Variants in RSPH14 observed in about 807,000 individuals in gnomAD.
RSPH14 encodes the protein radial spoke head 14 homolog.
Under a neutral mutation model 26.7 loss-of-function variants are expected in RSPH14, and 20 were observed. The observed-to-expected ratio is 0.75, with a 90% CI of 0.53 to 1.09. The LOEUF (loss-of-function observed/expected upper bound fraction) is 1.09. RSPH14 is among the 50% of genes least tolerant of loss of function. The pLI is 0.00. For synonymous variants in RSPH14, 177 were observed against 189.3 expected (o/e 0.93, Z 0.53); for missense variants, 449 against 457.2 (o/e 0.98, Z 0.16).
chr22:23,071,740 C>G lies in RSPH14; in HGVS notation c.422-7607G>C, dbSNP rs2068382862. On this transcript the variant is annotated intron_variant, in intron 4 of 6. Coordinates refer to ENST00000216036, the MANE Select transcript of RSPH14 (RefSeq NM_014433.3). The surrounding 1 kb of genome is among the most constrained non-coding windows in gnomAD (Gnocchi z 4.1). ...TCGGGAGGGACCTCAGAGTGGTGTC[C>G]TGGGCTGGGGGGTCAGGTGAGCTCG... is the stretch of plus-strand genomic sequence containing the variant. Among the ~76,000 whole-genome samples the G allele has an allele frequency of 3.9e-5, 6 of 152,148 alleles. No homozygotes were observed. In the South Asian group the frequency reaches 1.2e-3, roughly 32 times the overall value.
the RSPH14 span, among the ~76,000 whole-genome samples, chr22:23,164,688 C>A: frequency 1.3e-5 from 2 of 152,188 alleles, no homozygotes; most frequent in South Asian, 4.1e-4. Flanking sequence ...ACAGTGACCG[C>A]GTCCAAGTGC....
In RSPH14 at chr22:23,059,617, TG is replaced by T; in HGVS notation, c.891del (p.Met298CysfsTer60). On this transcript the variant is annotated frameshift_variant, in exon 7 of 7. Coordinates refer to ENST00000216036, the MANE Select transcript of RSPH14 (RefSeq NM_014433.3). LOFTEE classifies it low-confidence loss of function (END_TRUNC). Reference protein sequence around the residue: ...IARLNATKALTMLAEAPEGRK... With the variant: ...IARLNATKALXMLAEAPEGRK... ...CGGCCCTCGGGGGCCTCTGCCAGCA[TG>T]GTAAGGGCCTTGGTGGCATTCAGGC... 6.2e-7 allele frequency: 1 copy of T among 1,612,684 alleles called. No individual in the cohort carries two copies. The highest frequency in any genetic ancestry group is 8.5e-7 in the Non-Finnish European group (1 of 1,179,442).
the RSPH14 span, among the ~76,000 whole-genome samples, chr22:23,173,988 G>A: frequency 2.0e-5 from 3 of 152,092 alleles, no homozygotes; most frequent in African/African-American, 7.2e-5. Context: ...GGGATTACAG[G>A]TGTGAGCCAC....
At chr22:23,091,472 C>T (rs944020326) in intron 4 of RSPH14, among the ~76,000 whole-genome samples, 6 of 147,854 alleles carry the variant, frequency 4.1e-5, no homozygotes, top group African/African-American at 1.3e-4. Flanking sequence ...ACACACACAC[C>T]GCAATGGACC....
chr22:23,151,591 C>T, the RSPH14 span, among the ~76,000 whole-genome samples: 1 of 152,130 alleles, frequency 6.6e-6, no homozygotes, highest in Non-Finnish European at 1.5e-5. Context: ...AAAGTGTTGT[C>T]AACAGTCCCA....
intron 4 of RSPH14, among the ~76,000 whole-genome samples, chr22:23,129,091 A>C (rs1320679560): frequency 6.6e-6 from 1 of 152,162 alleles, no homozygotes; most frequent in East Asian, 1.9e-4. Flanking sequence ...GAGCCACTGA[A>C]ATAGATGCCC....
intron 4 of RSPH14, among the ~76,000 whole-genome samples, chr22:23,086,569 C>T (rs1449250878): frequency 6.6e-6 from 1 of 152,222 alleles, no homozygotes; most frequent in East Asian, 1.9e-4. Flanking sequence ...AGCAGAGCCA[C>T]AGCTGGGACC....
intron 4 of RSPH14, among the ~76,000 whole-genome samples, chr22:23,068,282 C>G (rs1424646054): frequency 6.6e-6 from 1 of 152,262 alleles, no homozygotes; most frequent in Non-Finnish European, 1.5e-5. Flanking sequence ...GGGAAGCTGG[C>G]CCAATGCCCA....
Position 23,084,462 on chromosome 22 carries a change from G to T in RSPH14, c.422-20329C>A, listed in dbSNP as rs960861103. Among the ~76,000 whole-genome samples, 5 of 152,254 alleles carry T rather than the reference G, an allele frequency of 3.3e-5. No homozygotes were observed. The South Asian group carries it at 1.0e-3, about 32-fold the overall frequency. On this transcript the variant is annotated intron_variant, in intron 4 of 6. Coordinates refer to ENST00000216036, the MANE Select transcript of RSPH14 (RefSeq NM_014433.3). ...GGGAAGTCAACACATTTTCAACTTA[G>T]GATGGGTTTATCAGGACATAACCCC... is the stretch of plus-strand genomic sequence containing the variant.
chr22:23,119,706 G>A lies in RSPH14; in HGVS notation c.421+14320C>T, dbSNP rs146322767. On this transcript the variant is annotated intron_variant, in intron 4 of 6. Coordinates refer to ENST00000216036, the MANE Select transcript of RSPH14 (RefSeq NM_014433.3). ...CAGGGACGCTGGGATGGAGTGAGGC[G>A]GCAAGCTCAGGTGCTTCCCACGCTC... Among the ~76,000 whole-genome samples, 9 of 152,322 alleles carry A rather than the reference G, an allele frequency of 5.9e-5. No individual in the cohort carries two copies. In the South Asian group the frequency reaches 6.2e-4, roughly 11 times the overall value.
At chr22:23,157,653 CTG>C in the RSPH14 span, among the ~76,000 whole-genome samples, 1 of 152,220 alleles carries the variant, frequency 6.6e-6, no homozygotes, top group Non-Finnish European at 1.5e-5. Context: ...GGTGGGAAAA[CTG>C]AGGCTCTCAG....
chr22:23,133,204 C>T (rs960789808), intron 4 of RSPH14, among the ~76,000 whole-genome samples: 2 of 152,106 alleles, frequency 1.3e-5, no homozygotes, highest in Non-Finnish European at 2.9e-5. Flanking sequence ...TTCAGATGTC[C>T]GTCAGCAACG....
chr22:23,155,648 T>C, the RSPH14 span, among the ~76,000 whole-genome samples: 1 of 152,200 alleles, frequency 6.6e-6, no homozygotes, highest in Non-Finnish European at 1.5e-5. Flanking sequence ...GAGCGAGTCA[T>C]GTCTTGGGCC....
chr22:23,096,778 G>A (rs980418363), intron 4 of RSPH14, among the ~76,000 whole-genome samples: 5 of 152,258 alleles, frequency 3.3e-5, no homozygotes, highest in African/African-American at 1.2e-4. Context: ...AGCCACCCCT[G>A]CAACCCCATC....
chr22:23,084,661 C>T (rs912434998), intron 4 of RSPH14, among the ~76,000 whole-genome samples: 4 of 152,358 alleles, frequency 2.6e-5, no homozygotes, highest in South Asian at 2.1e-4. Flanking sequence ...TGAGCACCTG[C>T]GCTTCGTGGC....
intron 4 of RSPH14, chr22:23,122,767 C>T (rs908551394): frequency 6.5e-5 from 23 of 353,818 alleles, no homozygotes; most frequent in African/African-American, 4.4e-4. Context: ...AGGTGCCCAG[C>T]GGTTTAGGAG....
intron 2 of RSPH14, among the ~76,000 whole-genome samples, chr22:23,139,358 C>T (rs192953377): frequency 5.0e-4 from 76 of 152,370 alleles, no homozygotes; most frequent in Middle Eastern, 3.4e-3. Flanking sequence ...TGGTGGCTTA[C>T]GCCTGTAATC....
the RSPH14 span, chr22:23,152,887 G>GC: frequency 1.4e-3 from 891 of 659,324 alleles, 9 homozygotes; most frequent in African/African-American, 0.013. Flanking sequence ...CTTGCTGGCT[G>GC]CCCTGCCCAC....
intron 4 of RSPH14, among the ~76,000 whole-genome samples, chr22:23,130,516 G>GAA (rs1555939838): frequency 1.3e-5 from 2 of 149,976 alleles, no homozygotes; most frequent in African/African-American, 4.9e-5. Flanking sequence ...AAGAAAGAAA[G>GAA]AAAGAAAGAA....
Sources: allele counts gnomAD v4.1 joint callset (sites outside exome capture counted in the v4.1 genomes callset), GRCh38; gene constraint gnomAD v4.1.1; non-coding constraint Gnocchi (gnomAD v3.1); transcripts MANE v1.5; gene names NCBI Gene and HGNC (gene_info 2026-07-23, HGNC 2026-07-21).